EPN2: variants seen among roughly 807,000 people sequenced by gnomAD.
EPN2 encodes epsin 2.
EPN2 carries 34 observed loss-of-function variants against 61.7 expected under a neutral mutation model. The ratio of observed to expected loss-of-function variants is 0.55; its 90% CI spans 0.42 to 0.73. The LOEUF (loss-of-function observed/expected upper bound fraction) is 0.73, where lower values mean the gene tolerates loss of function less well. Ranked by LOEUF, EPN2 falls within the 30% of genes least tolerant of loss-of-function variation. The probability of loss-of-function intolerance (pLI) is 0.00; values close to 1 mark genes in which losing one functional copy is unlikely to be tolerated. For missense variants in EPN2, 714 were observed against 839.2 expected (o/e 0.85, Z 1.84); for synonymous variants, 349 against 353.6 (o/e 0.99, Z 0.15).
intron 7 of EPN2, among the ~76,000 whole-genome samples, chr17:19,319,253 A>T (rs1906535657): frequency 6.6e-6 from 1 of 152,150 alleles, no homozygotes; most frequent in African/African-American, 2.4e-5. Context: ...TAAAGATATA[A>T]ACCTATTAGT....
At chr17:19,267,514 A>C (rs2045211967) in intron 1 of EPN2, among the ~76,000 whole-genome samples, 1 of 152,000 alleles carries the variant, frequency 6.6e-6, no homozygotes, top group Admixed American at 6.6e-5. Flanking sequence ...GATGTGAAGA[A>C]AAATATGAAG....
chr17:19,241,307 G>C (rs952496012), intron 1 of EPN2, among the ~76,000 whole-genome samples: 1 of 152,262 alleles, frequency 6.6e-6, no homozygotes, highest in African/African-American at 2.4e-5. Flanking sequence ...CAAACTTGCC[G>C]GGCATGGTGG....
chr17:19,293,221 T>C (rs2045481869), intron 4 of EPN2, among the ~76,000 whole-genome samples: 1 of 151,620 alleles, frequency 6.6e-6, no homozygotes, highest in South Asian at 2.1e-4. Context: ...CTACTAAAAA[T>C]ACAAAAAAAT....
At chr17:19,264,965 G>A (rs951911027) in intron 1 of EPN2, among the ~76,000 whole-genome samples, 8 of 152,190 alleles carry the variant, frequency 5.3e-5, no homozygotes, top group Non-Finnish European at 1.2e-4. Flanking sequence ...TGGGCAGCAG[G>A]TGGTGGATCC....
At chr17:19,252,618 A>G (rs537182201) in intron 1 of EPN2, among the ~76,000 whole-genome samples, 58 of 152,258 alleles carry the variant, frequency 3.8e-4, no homozygotes, top group Admixed American at 8.5e-4. Flanking sequence ...CAGCCTTCCT[A>G]ATTCTGATTT....
At chr17:19,323,386 G>T (rs1906732279) in intron 7 of EPN2, among the ~76,000 whole-genome samples, 1 of 152,150 alleles carries the variant, frequency 6.6e-6, no homozygotes, top group Admixed American at 6.5e-5. Context: ...TTTCAGAAGA[G>T]CTAATATTTG....
chr17:19,329,068 G>A (rs1907039707), intron 8 of EPN2, 181 bp downstream of exon 8: 2 of 562,336 alleles, frequency 3.6e-6, no homozygotes, highest in South Asian at 2.7e-5. Flanking sequence ...GAGTGAGTGC[G>A]AGTTCCCAGG....
chr17:19,309,535 A>G (rs1442122248), intron 4 of EPN2, among the ~76,000 whole-genome samples: 1 of 152,142 alleles, frequency 6.6e-6, no homozygotes, highest in African/African-American at 2.4e-5. Flanking sequence ...TTCAAGAGCT[A>G]TACTTTGGGT....
At chr17:19,313,049 G>C in intron 6 of EPN2, 56 bp from the exon 7 acceptor site, 3 of 1,568,070 alleles carry the variant, frequency 1.9e-6, no homozygotes, top group East Asian at 4.6e-5. Context: ...TAGTTCATGA[G>C]TATTTGCTGT....
chr17:19,285,937 C>T lies in EPN2; in HGVS notation c.766+147C>T. The T allele has an allele frequency of 2.1e-6, 3 of 1,396,434 alleles. No individual in the cohort carries two copies. The South Asian group carries it at 4.9e-5, about 23-fold the overall frequency. The allele number at this position is 1,396,434 out of a possible 1,614,324, so 86.5% of individuals were successfully genotyped here. A position where few individuals can be genotyped will look rare whatever the true frequency, so the allele number is the denominator to read the frequency against. ...CAGCAGGCCCAGGAGCCCTTTCTTC[C>T]TCTCTCCTGGGAGCTTGTGGCCTGG... is the stretch of plus-strand genomic sequence containing the variant. On this transcript the variant is annotated intron_variant, in intron 4 of 10. Coordinates refer to ENST00000314728, the MANE Select transcript of EPN2 (RefSeq NM_014964.5). The surrounding 1 kb of genome is among the most constrained non-coding windows in gnomAD (Gnocchi z 4.5).
intron 4 of EPN2, among the ~76,000 whole-genome samples, chr17:19,293,632 A>G (rs1209280950): frequency 2.8e-5 from 4 of 142,540 alleles, no homozygotes; most frequent in Non-Finnish European, 3.0e-5. Flanking sequence ...GGCTCAAGCT[A>G]TCCTCTGGCC....
At chr17:19,278,633 A>G (rs1331093547) in intron 1 of EPN2, among the ~76,000 whole-genome samples, 1 of 152,152 alleles carries the variant, frequency 6.6e-6, no homozygotes, top group Non-Finnish European at 1.5e-5. Context: ...CAACCAAACC[A>G]TGTCATGAAG....
intron 4 of EPN2, among the ~76,000 whole-genome samples, chr17:19,287,102 G>C (rs939277048): frequency 1.3e-5 from 2 of 152,218 alleles, no homozygotes; most frequent in Admixed American, 1.3e-4. Context: ...TGGCTTTCCT[G>C]GGACGTTTGC....
In EPN2 at chr17:19,283,945, G is replaced by C. The variant is rs1326621283; in HGVS notation, c.595+231G>C. 6.6e-6 allele frequency among the ~76,000 whole-genome samples: 1 copy of C among 152,156 alleles called. No individual in the cohort carries two copies. Among genetic ancestry groups the C allele is most frequent in the African/African-American group, 2.4e-5 (1 of 41,428 alleles). ...GGTTCAGGGATCTCTAACGCCCTTT[G>C]CTGCTCTGGGCCTCATTCTGTACAT... On this transcript the variant is annotated intron_variant, in intron 3 of 10. Coordinates refer to ENST00000314728, the MANE Select transcript of EPN2 (RefSeq NM_014964.5). This position sits in a 1 kb window ranked among gnomAD's most constrained non-coding sequence, Gnocchi z 7.0.
intron 4 of EPN2, among the ~76,000 whole-genome samples, chr17:19,292,794 A>G (rs1327388300): frequency 6.6e-6 from 1 of 152,236 alleles, no homozygotes; most frequent in Non-Finnish European, 1.5e-5. Flanking sequence ...TCTTAGGAGG[A>G]GTCCATTTGC....
chr17:19,317,484 C>A (rs1906439992), intron 7 of EPN2, among the ~76,000 whole-genome samples: 1 of 152,168 alleles, frequency 6.6e-6, no homozygotes, highest in African/African-American at 2.4e-5. Context: ...CTCTGCACGG[C>A]TCAGTTCTTC....
At chr17:19,289,352 G>A (rs1403706503) in intron 4 of EPN2, among the ~76,000 whole-genome samples, 1 of 151,994 alleles carries the variant, frequency 6.6e-6, no homozygotes, top group African/African-American at 2.4e-5. Context: ...CCAAAGTGCT[G>A]GGATTACAGG....
chr17:19,243,712 T>C (rs976024871), intron 1 of EPN2, among the ~76,000 whole-genome samples: 5 of 152,094 alleles, frequency 3.3e-5, no homozygotes, highest in African/African-American at 1.2e-4. Context: ...TAATTTTTTG[T>C]ATTTTTAGTA....
chr17:19,249,819 T>G (rs2044994053), intron 1 of EPN2, among the ~76,000 whole-genome samples: 1 of 152,144 alleles, frequency 6.6e-6, no homozygotes. Context: ...CTTAATGGGC[T>G]GGGGTCATGG....
Sources: gnomAD v4.1 joint callset for allele counts (sites outside exome capture counted in the v4.1 genomes callset) on GRCh38, gnomAD v4.1.1 for gene constraint, Gnocchi (gnomAD v3.1) non-coding constraint, MANE v1.5 for transcripts, NCBI Gene and HGNC (gene_info 2026-07-23, HGNC 2026-07-21) for gene names.